The following TMEM209 variants were observed in gnomAD, a reference collection of about 807,000 sequenced individuals.
The protein encoded by TMEM209 is testicular tissue protein Li 202.
Under a neutral mutation model 76.2 loss-of-function variants are expected in TMEM209, and 65 were observed. That is an observed-to-expected ratio of 0.85 (90% CI 0.70 to 1.05). The LOEUF (loss-of-function observed/expected upper bound fraction) is 1.05, where lower values mean the gene tolerates loss of function less well. TMEM209 is among the 50% of genes least tolerant of loss of function. The pLI, the probability that TMEM209 is intolerant of heterozygous loss-of-function variation, is 0.00. For synonymous variants in TMEM209, 239 were observed against 237.6 expected, an observed-to-expected ratio of 1.01 and a Z score of -0.06; for missense variants, 623 against 685.5, an observed-to-expected ratio of 0.91 and a Z score of 1.02.
In TMEM209 at chr7:130,184,286, C is replaced by T. The variant is rs769631254; in HGVS notation, c.952-31G>A. On this transcript the variant is annotated intron_variant, in intron 7 of 14. Coordinates refer to ENST00000397622, the MANE Select transcript of TMEM209 (RefSeq NM_032842.4). ...AAAATTCATGTTTAAAATGAACAAT[C>T]AGTGAGGAAAAATCTTGATAGAAAT... 31 of 1,468,978 alleles carry T rather than the reference C, an allele frequency of 2.1e-5. No individual in the cohort carries two copies. The African/African-American group carries it at 4.0e-4, about 19-fold the overall frequency. The allele number at this position is 1,468,978 out of a possible 1,614,324, so 91.0% of individuals were successfully genotyped here. A position where few individuals can be genotyped will look rare whatever the true frequency, so the allele number is the denominator to read the frequency against.
chr7:130,170,654 A>G (rs1179202764), intron 13 of TMEM209, among the ~76,000 whole-genome samples, 181 bp from the exon 14 acceptor site: 3 of 152,202 alleles, frequency 2.0e-5, no homozygotes, highest in African/African-American at 7.2e-5. Flanking sequence ...TACTGCAGTG[A>G]GTAAGACAGA....
chr7:130,194,327 A>G (rs1016352667), intron 5 of TMEM209, among the ~76,000 whole-genome samples: 7 of 151,328 alleles, frequency 4.6e-5, no homozygotes, highest in Admixed American at 4.6e-4. Context: ...GCTCTAAAAA[A>G]TAAAGTCCAT....
At chr7:130,173,607 C>T (rs752443419) in intron 13 of TMEM209, 25 bp downstream of exon 13, 2 of 1,531,914 alleles carry the variant, frequency 1.3e-6, no homozygotes, top group Admixed American at 1.8e-5. Flanking sequence ...CATTCTGTAA[C>T]AGCATCTTCT....
At chr7:130,169,957 A>G (rs1797013162) in intron 14 of TMEM209, among the ~76,000 whole-genome samples, 1 of 152,176 alleles carries the variant, frequency 6.6e-6, no homozygotes, top group South Asian at 2.1e-4. Context: ...CCAAGTATGT[A>G]AACGATTTCA....
chr7:130,195,191 G>A (rs1319418221), intron 5 of TMEM209, among the ~76,000 whole-genome samples: 1 of 152,116 alleles, frequency 6.6e-6, no homozygotes, highest in Non-Finnish European at 1.5e-5. Flanking sequence ...GACTGGGACT[G>A]ATTAGAATTG....
rs1020511602 is a variant in TMEM209 at position 130,188,390 on chromosome 7, A to T, written c.776-3023T>A. Among the ~76,000 whole-genome samples, 5 of 152,112 alleles carry T rather than the reference A, an allele frequency of 3.3e-5. No individual in the cohort carries two copies. In the South Asian group the frequency reaches 1.0e-3, roughly 32 times the overall value. The stretch of plus-strand genomic sequence containing the variant: ...GGCGGGCGGATCACAAGGTCAGGAG[A>T]TCGAGACCATCCTGGCTAACATGGT... On this transcript the variant is annotated intron_variant, in intron 6 of 14. Transcript: ENST00000397622.
At chr7:130,184,160 C>G in intron 8 of TMEM209, 24 bp downstream of exon 8, 1 of 1,544,876 alleles carries the variant, frequency 6.5e-7, no homozygotes. Context: ...CTAATATTGT[C>G]CAAAGAGTAA....
At chr7:130,200,445 C>A (rs17164727) in intron 5 of TMEM209, among the ~76,000 whole-genome samples, 29,822 of 151,978 alleles carry the variant, frequency 0.2, 3,467 homozygotes, top group East Asian at 0.39. Context: ...CACTCCCATC[C>A]CAAATTTATC....
At chr7:130,188,372 G>A (rs938012702) in intron 6 of TMEM209, among the ~76,000 whole-genome samples, 35 of 152,016 alleles carry the variant, frequency 2.3e-4, no homozygotes, top group African/African-American at 4.8e-4. Flanking sequence ...CAAGGCGGGC[G>A]GATCACAAGG....
chr7:130,195,931 A>T (rs1473175011), intron 5 of TMEM209, among the ~76,000 whole-genome samples: 1 of 152,144 alleles, frequency 6.6e-6, no homozygotes, highest in Non-Finnish European at 1.5e-5. Context: ...TCTTTTCAAT[A>T]ACAGGTACAT....
At chr7:130,179,489 C>G (rs138982216) in intron 9 of TMEM209, among the ~76,000 whole-genome samples, 2 of 152,164 alleles carry the variant, frequency 1.3e-5, no homozygotes, top group East Asian at 3.9e-4. Context: ...CAAGCAGAAG[C>G]TTTTTATGGT....
At chr7:130,175,474 G>GTAAA (rs759003070) in intron 11 of TMEM209, 38 bp downstream of exon 11, 2 of 1,563,894 alleles carry the variant, frequency 1.3e-6, no homozygotes, top group Non-Finnish European at 1.7e-6. Context: ...TCAATCAACA[G>GTAAA]TAAATAAATA....
intron 5 of TMEM209, among the ~76,000 whole-genome samples, chr7:130,197,804 A>C (rs1030899457): frequency 6.6e-6 from 1 of 152,190 alleles, no homozygotes; most frequent in Non-Finnish European, 1.5e-5. Context: ...CCTTAAGTCT[A>C]TGTCTTATTT....
chr7:130,193,446 G>A (rs1243397676), intron 5 of TMEM209, among the ~76,000 whole-genome samples: 1 of 151,960 alleles, frequency 6.6e-6, no homozygotes, highest in African/African-American at 2.4e-5. Flanking sequence ...GCTGAGGCAG[G>A]AGAATCGCTT....
intron 7 of TMEM209, 60 bp from the exon 8 acceptor site, chr7:130,184,315 C>T (rs1797521268): frequency 8.2e-7 from 1 of 1,213,842 alleles, no homozygotes; most frequent in Admixed American, 2.4e-5. Context: ...TAGAAATCAT[C>T]ATTCTTTCTC....
At position 130,204,092 on chromosome 7, in the gene TMEM209, G is replaced by T; in HGVS notation, c.22C>A (p.Pro8Thr). Residue 8 changes from proline (P) to threonine (T), a missense_variant, in exon 2 of 15, where the codon CCT becomes ACT. By Grantham distance (38) the Pro-to-Thr change is conservative. Coordinates refer to ENST00000397622, the MANE Select transcript of TMEM209 (RefSeq NM_032842.4). The part of the protein sequence containing the change: MMQGEAH[P>T]SASLIDRTIK... ...GTTCTGTCAATAAGGGAAGCACTAG[G>T]GTGTGCCTCCCCCTGCATCTATGAA... 6.2e-7 allele frequency: 1 copy of T among 1,611,480 alleles called. No individual in the cohort carries two copies.
chr7:130,195,069 A>G (rs1457941209), intron 5 of TMEM209, among the ~76,000 whole-genome samples: 1 of 152,064 alleles, frequency 6.6e-6, no homozygotes, highest in African/African-American at 2.4e-5. Context: ...TTAAGTTTTA[A>G]TGTCTATGGG....
chr7:130,174,239 A>T (rs552374048), intron 11 of TMEM209, among the ~76,000 whole-genome samples: 2 of 152,364 alleles, frequency 1.3e-5, no homozygotes, highest in South Asian at 4.1e-4. Context: ...TGTGTTTAAG[A>T]CATGAAGCTA....
At chr7:130,204,170 C>A (rs892661656) in intron 1 of TMEM209, 60 bp from the exon 2 acceptor site, 134 of 1,522,780 alleles carry the variant, frequency 8.8e-5, no homozygotes, top group Middle Eastern at 1.7e-4. Context: ...CATTTAAAAA[C>A]CAAATTTTGC....
Sources: gnomAD v4.1 joint callset for allele counts (sites outside exome capture counted in the v4.1 genomes callset) on GRCh38, gnomAD v4.1.1 for gene constraint, MANE v1.5 for transcripts, NCBI Gene and HGNC (gene_info 2026-07-23, HGNC 2026-07-21) for gene names.